The following FOXJ2 variants were observed in gnomAD, a reference collection of about 807,000 sequenced individuals.
FOXJ2 encodes forkhead box J2, also known as forkhead box protein J2.
FOXJ2 carries 18 observed loss-of-function variants against 68.4 expected under a neutral mutation model. That is an observed-to-expected ratio of 0.26 (90% CI 0.18 to 0.39). The LOEUF (loss-of-function observed/expected upper bound fraction) is 0.39, where lower values mean the gene tolerates loss of function less well. Among genes scored for constraint, FOXJ2 ranks in the 10% least tolerant of loss-of-function variants. The pLI is 1.00. For missense variants in FOXJ2, 670 were observed against 726.5 expected (o/e 0.92, Z 0.89); for synonymous variants, 274 against 263.2 (o/e 1.04, Z -0.40).
intron 6 of FOXJ2, among the ~76,000 whole-genome samples, chr12:8,047,279 G>A (rs930393254): frequency 5.3e-5 from 8 of 151,966 alleles, no homozygotes; most frequent in Non-Finnish European, 1.0e-4. Flanking sequence ...GAGAAACCCC[G>A]TCTCTACTAA....
At position 8,033,676 on chromosome 12, in the gene FOXJ2, G is replaced by T. The variant is rs1245870093; in HGVS notation, c.-172G>T. The T allele has an allele frequency of 1.3e-5, 2 of 152,854 alleles. No homozygotes were observed. The highest frequency in any genetic ancestry group is 1.3e-4 in the Admixed American group (2 of 15,284). 9.5% of individuals were successfully genotyped at this position (152,854 alleles called of 1,614,324 possible). On this transcript the variant is annotated 5_prime_UTR_variant, in exon 1 of 11. Coordinates refer to ENST00000162391, the MANE Select transcript of FOXJ2 (RefSeq NM_018416.3). ...CAACCTTGACTCCTCATCCTCAGGG[G>T]ACCCAGTTCCCCTCACCAACTTGGG...
Position 8,046,624 on chromosome 12 carries a change from G to T in FOXJ2, c.818-1258G>T, listed in dbSNP as rs1591579472. Reference sequence around the variant, plus strand: ...GAATGACTTAAAGTTTTTACTGGGAGGCCCCTTGAGAGAACATCTGGTTCG... The same window carrying T: ...GAATGACTTAAAGTTTTTACTGGGATGCCCCTTGAGAGAACATCTGGTTCG... On this transcript the variant is annotated intron_variant, in intron 6 of 10. Coordinates refer to ENST00000162391, the MANE Select transcript of FOXJ2 (RefSeq NM_018416.3). 2.0e-5 allele frequency among the ~76,000 whole-genome samples: 3 copies of T among 152,226 alleles called. No individual in the cohort carries two copies. The East Asian group carries it at 5.8e-4, about 29-fold the overall frequency.
In FOXJ2 at chr12:8,032,911, G is replaced by C. The variant is rs1416835622; in HGVS notation, c.-937G>C. The C allele has an allele frequency of 7.5e-6, 3 of 397,942 alleles. No individual in the cohort carries two copies. Among genetic ancestry groups the C allele is most frequent in the East Asian group, 3.6e-5 (1 of 28,034 alleles). The allele number at this position is 397,942 out of a possible 1,614,324, so 24.7% of individuals were successfully genotyped here. A position where few individuals can be genotyped will look rare whatever the true frequency, so the allele number is the denominator to read the frequency against. Reference sequence around the variant, plus strand: ...CCACAGTAGCAGGGACCGGAGTCTCGAGCCGCGGCCTCCCGGACCGTGCTG... The same window carrying C: ...CCACAGTAGCAGGGACCGGAGTCTCCAGCCGCGGCCTCCCGGACCGTGCTG... On this transcript the variant is annotated 5_prime_UTR_variant, in exon 1 of 11. Coordinates refer to ENST00000162391, the MANE Select transcript of FOXJ2 (RefSeq NM_018416.3). This position sits in a 1 kb window ranked among gnomAD's most constrained non-coding sequence, Gnocchi z 4.8.
intron 10 of FOXJ2, among the ~76,000 whole-genome samples, chr12:8,052,312 G>A (rs778920141): frequency 2.0e-5 from 3 of 150,710 alleles, no homozygotes; most frequent in East Asian, 2.0e-4. Flanking sequence ...AAGACCTCCC[G>A]GGTTCATGCC....
Position 8,040,243 on chromosome 12 carries a change from G to A in FOXJ2, c.333+78G>A. 7.0e-7 allele frequency: 1 copy of A among 1,419,972 alleles called. No individual in the cohort carries two copies. Among genetic ancestry groups the A allele is most frequent in the East Asian group, 2.3e-5 (1 of 43,832 alleles). 88.0% of individuals were successfully genotyped at this position (1,419,972 alleles called of 1,614,324 possible). On this transcript the variant is annotated intron_variant, in intron 2 of 10. Transcript: ENST00000162391. This position sits in a 1 kb window ranked among gnomAD's most constrained non-coding sequence, Gnocchi z 4.0. The stretch of plus-strand genomic sequence containing the variant: ...AGAGAAAAAGGTTTTGTTTCTTCTT[G>A]TAACCTGTTCAGTTTACTCTGGTTT...
chr12:8,049,827 G>A (rs1269722751), intron 9 of FOXJ2: 10 of 439,996 alleles, frequency 2.3e-5, no homozygotes, highest in Non-Finnish European at 4.0e-6. Context: ...AAAGGGAGGA[G>A]ATTTGTTAGA....
intron 4 of FOXJ2, 72 bp from the exon 5 acceptor site, chr12:8,043,879 G>A: frequency 6.3e-7 from 1 of 1,590,324 alleles, no homozygotes; most frequent in Non-Finnish European, 8.5e-7. Flanking sequence ...AATACCAGCA[G>A]AGGGGAAACC....
intron 10 of FOXJ2, among the ~76,000 whole-genome samples, chr12:8,051,137 T>C (rs1947120933): frequency 2.0e-5 from 1 of 51,122 alleles, no homozygotes; most frequent in Non-Finnish European, 4.3e-5. Flanking sequence ...CCTTCCCCTT[T>C]TCTTTTCTTT....
In FOXJ2 at chr12:8,053,036, C is replaced by T. The variant is rs572799548; in HGVS notation, c.*186C>T. On this transcript the variant is annotated 3_prime_UTR_variant, in exon 11 of 11. Coordinates refer to ENST00000162391, the MANE Select transcript of FOXJ2 (RefSeq NM_018416.3). The surrounding 1 kb of genome is among the most constrained non-coding windows in gnomAD (Gnocchi z 4.1). Reference sequence around the variant, plus strand: ...ATAACCCTCTCTTTCCTGCCTCATTCTTCTCTCTTCCTTCCTGTTTTTTCC... The same window carrying T: ...ATAACCCTCTCTTTCCTGCCTCATTTTTCTCTCTTCCTTCCTGTTTTTTCC... 4.5e-5 allele frequency: 15 copies of T among 329,752 alleles called. No homozygotes were observed. The highest frequency in any genetic ancestry group is 2.3e-4 in the African/African-American group (11 of 47,004). 20.4% of individuals were successfully genotyped at this position (329,752 alleles called of 1,614,324 possible). A position where few individuals can be genotyped will look rare whatever the true frequency, so the allele number is the denominator to read the frequency against.
At chr12:8,039,760 A>G (rs1946940210) in intron 1 of FOXJ2, 59 bp from the exon 2 acceptor site, 1 of 1,404,426 alleles carries the variant, frequency 7.1e-7, no homozygotes, top group Admixed American at 2.1e-5. Flanking sequence ...CCCTCAAACA[A>G]AAGGATTTGA....
intron 7 of FOXJ2, 111 bp downstream of exon 7, chr12:8,048,400 T>G (rs1947069834): frequency 4.1e-6 from 6 of 1,470,236 alleles, no homozygotes; most frequent in Non-Finnish European, 5.4e-6. Flanking sequence ...TCTTTTAGGC[T>G]TCGCTCCTTC....
chr12:8,042,911 T>C (rs1294863960), intron 3 of FOXJ2, among the ~76,000 whole-genome samples, 179 bp downstream of exon 3: 1 of 152,054 alleles, frequency 6.6e-6, no homozygotes, highest in Non-Finnish European at 1.5e-5. Flanking sequence ...CCCAGTAGAA[T>C]GGGTGACTGA....
At chr12:8,042,761 A>T (rs368430791) in intron 3 of FOXJ2, 29 bp downstream of exon 3, 18 of 1,568,334 alleles carry the variant, frequency 1.1e-5, no homozygotes, top group Non-Finnish European at 1.6e-5. Context: ...CATTGAAAGG[A>T]GGAGTAGGAA....
In FOXJ2 at chr12:8,048,149, T is replaced by C. The variant is rs778345278; in HGVS notation, c.1085T>C (p.Val362Ala). ...AGAEGYGPPPVMAMHPPPLQH... is the reference protein window; with the variant it reads ...AGAEGYGPPPAMAMHPPPLQH... ...GCGGAAGGCTATGGGCCTCCCCCTG[T>C]AATGGCCATGCATCCACCCCCGCTG... The change falls in exon 7 of 11, where the codon GTA (valine) becomes GCA (alanine). Residue 362 changes from valine (V) to alanine (A), a missense_variant. This residue lies in a region of FOXJ2 where 555 missense variants were observed against 562.2 expected (regional missense o/e 0.99). Coordinates refer to ENST00000162391, the MANE Select transcript of FOXJ2 (RefSeq NM_018416.3). 6.2e-6 allele frequency: 10 copies of C among 1,613,768 alleles called. No individual in the cohort carries two copies. The highest frequency in any genetic ancestry group is 7.6e-6 in the Non-Finnish European group (9 of 1,179,908).
In FOXJ2 at chr12:8,043,733, C is replaced by G. The variant is rs1173829369; in HGVS notation, c.441C>G (p.Asp147Glu). Residue 147 changes from aspartate (D) to glutamate (E), a missense_variant, in exon 4 of 11, where the codon GAC becomes GAG. Coordinates refer to ENST00000162391, the MANE Select transcript of FOXJ2 (RefSeq NM_018416.3). ...ATTGGACAATTGACACCTGCCCTGA[C>G]ATTTCCCGAAAGAGAAGACACCCTC... ...GSYWTIDTCP[D>E]ISRKRRHPPD... 1.2e-6 allele frequency: 2 copies of G among 1,614,094 alleles called. No individual in the cohort carries two copies. Among genetic ancestry groups the G allele is most frequent in the Admixed American group, 3.3e-5 (2 of 60,002 alleles).
intron 3 of FOXJ2, 63 bp from the exon 4 acceptor site, chr12:8,043,638 A>T: frequency 5.1e-6 from 8 of 1,563,854 alleles, no homozygotes; most frequent in Non-Finnish European, 7.0e-6. Flanking sequence ...ATTAATACCC[A>T]GAACCCTGGG....
Position 8,052,668 on chromosome 12 carries a change from C to T in FOXJ2, c.1637-94C>T, listed in dbSNP as rs766308869. 29 of 1,062,580 alleles carry T rather than the reference C, an allele frequency of 2.7e-5. No homozygotes were observed. In the Admixed American group the frequency reaches 3.1e-4, roughly 11 times the overall value. 65.8% of individuals were successfully genotyped at this position (1,062,580 alleles called of 1,614,324 possible). A position where few individuals can be genotyped will look rare whatever the true frequency, so the allele number is the denominator to read the frequency against. ...GGCGATAGCCTCACAAGGCCTTCTT[C>T]GTGGTGTTATCTGGGGCTGAGCACT... is the stretch of plus-strand genomic sequence containing the variant. On this transcript the variant is annotated intron_variant, in intron 10 of 10. Transcript: ENST00000162391.
Position 8,033,083 on chromosome 12 carries a change from C to T in FOXJ2, c.-765C>T. On this transcript the variant is annotated 5_prime_UTR_variant, in exon 1 of 11. Coordinates refer to ENST00000162391, the MANE Select transcript of FOXJ2 (RefSeq NM_018416.3). Reference sequence around the variant, plus strand: ...CCACTCGGGTGAGGGAAAGAAGAGACCCCTGGAGGGGACGCCTCTCTCCTG... The same window carrying T: ...CCACTCGGGTGAGGGAAAGAAGAGATCCCTGGAGGGGACGCCTCTCTCCTG... 1 of 387,976 alleles carries T rather than the reference C, an allele frequency of 2.6e-6. No individual in the cohort carries two copies. Among genetic ancestry groups the T allele is most frequent in the African/African-American group, 2.1e-5 (1 of 48,378 alleles). The allele number at this position is 387,976 out of a possible 1,614,324, so 24.0% of individuals were successfully genotyped here.
At chr12:8,045,436 G>A (rs1422826837) in intron 6 of FOXJ2, among the ~76,000 whole-genome samples, 2 of 152,064 alleles carry the variant, frequency 1.3e-5, no homozygotes, top group African/African-American at 2.4e-5. Flanking sequence ...GGCTGGTCTC[G>A]AACTCCTGAC....
Sources: gnomAD v4.1 joint callset for allele counts (sites outside exome capture counted in the v4.1 genomes callset) on GRCh38, gnomAD v4.1.1 for gene constraint, gnomAD v4.1.1 regional missense constraint, Gnocchi (gnomAD v3.1) non-coding constraint, MANE v1.5 for transcripts, NCBI Gene and HGNC (gene_info 2026-07-23, HGNC 2026-07-21) for gene names.